Variants in MAML3 observed in about 807,000 individuals in gnomAD.
MAML3 encodes mastermind like transcriptional coactivator 3, also known as mastermind-like protein 3.
In MAML3, 27 loss-of-function variants were observed where a neutral mutation model predicts 101.9. The ratio of observed to expected loss-of-function variants is 0.27; its 90% CI spans 0.20 to 0.37. The LOEUF is 0.37. Among genes scored for constraint, MAML3 ranks in the 10% least tolerant of loss-of-function variants. MAML3 has a pLI of 1.00. For synonymous variants in MAML3, 501 were observed against 555.9 expected (o/e 0.90, Z 1.39); for missense variants, 1,316 against 1,444.9 (o/e 0.91, Z 1.45).
intron 1 of MAML3, among the ~76,000 whole-genome samples, chr4:140,072,230 T>G (rs539060052): frequency 1.3e-5 from 2 of 152,284 alleles, no homozygotes; most frequent in East Asian, 3.9e-4. Flanking sequence ...ATTCCAAATA[T>G]TTTCCAAATA....
chr4:139,916,578 GT>G (rs1412528460), intron 1 of MAML3, among the ~76,000 whole-genome samples: 33 of 152,322 alleles, frequency 2.2e-4, no homozygotes, highest in Admixed American at 5.9e-4. Flanking sequence ...CATGTATGCT[GT>G]GCTCCAGGTG....
intron 3 of MAML3, among the ~76,000 whole-genome samples, chr4:139,728,044 C>T (rs939599405): frequency 1.3e-5 from 2 of 152,110 alleles, no homozygotes; most frequent in South Asian, 4.1e-4. Context: ...GGTGAAACCC[C>T]ATCTCTACTA....
chr4:139,998,900 T>C (rs1217994381), intron 1 of MAML3, among the ~76,000 whole-genome samples: 1 of 152,210 alleles, frequency 6.6e-6, no homozygotes. Flanking sequence ...TCTGCATGGC[T>C]TAATGGCTGG....
chr4:139,730,267 T>C (rs1453022430), intron 3 of MAML3, 149 bp downstream of exon 3: 1 of 707,630 alleles, frequency 1.4e-6, no homozygotes, highest in African/African-American at 1.8e-5. Context: ...AAGGTCTAAA[T>C]TCTTCAGGTT....
chr4:139,741,621 C>T (rs559720598), intron 2 of MAML3, among the ~76,000 whole-genome samples: 2 of 152,126 alleles, frequency 1.3e-5, no homozygotes, highest in African/African-American at 4.8e-5. Flanking sequence ...GTGGTGTGCA[C>T]CTGTAGTCCC....
At chr4:140,066,505 C>T (rs1727538969) in intron 1 of MAML3, among the ~76,000 whole-genome samples, 1 of 152,168 alleles carries the variant, frequency 6.6e-6, no homozygotes, top group Non-Finnish European at 1.5e-5. Context: ...GTACAGACTT[C>T]TCAGGCCACA....
intron 2 of MAML3, among the ~76,000 whole-genome samples, chr4:139,792,979 C>T (rs1242829281): frequency 2.0e-5 from 3 of 152,078 alleles, no homozygotes; most frequent in Non-Finnish European, 2.9e-5. Context: ...ATCTCCTGAC[C>T]TTGTGATCCG....
chr4:139,724,416 T>G (rs1728384222), intron 4 of MAML3, among the ~76,000 whole-genome samples: 1 of 152,238 alleles, frequency 6.6e-6, no homozygotes, highest in African/African-American at 2.4e-5. Context: ...CTAAGTTGTT[T>G]CCAATAACCT....
chr4:140,132,356 A>G (rs1160845905), intron 1 of MAML3, among the ~76,000 whole-genome samples: 1 of 152,234 alleles, frequency 6.6e-6, no homozygotes, highest in East Asian at 1.9e-4. Flanking sequence ...ACTTTCCAAT[A>G]TAACTGGTCC....
intron 1 of MAML3, among the ~76,000 whole-genome samples, chr4:139,960,448 C>T (rs982812502): frequency 1.3e-5 from 2 of 152,178 alleles, no homozygotes; most frequent in African/African-American, 4.8e-5. Context: ...AGCTCCTCTG[C>T]TATACCAAGG....
In MAML3 at chr4:139,720,141, T is replaced by A. The variant is rs1015768025; in HGVS notation, c.2599A>T (p.Ser867Cys). The change falls in exon 5 of 5, where the codon AGC becomes TGC. Residue 867 changes from serine to cysteine, a missense_variant. Transcript: ENST00000509479. The stretch of plus-strand genomic sequence containing the variant: ...CTCATATTGTACATTCCTGGTTGGC[T>A]GGTAGGCGTGGTGCTATAAGGGGCC... ...GLAPYSTTPT[S>C]QPGMYNMSTG... is the part of the protein sequence containing the mutation. 46 of 1,614,082 alleles carry A rather than the reference T, an allele frequency of 2.8e-5. No homozygotes were observed. Among genetic ancestry groups the A allele is most frequent in the Non-Finnish European group, 3.8e-5 (45 of 1,179,906 alleles).
chr4:139,956,700 C>A (rs1357190805), intron 1 of MAML3, among the ~76,000 whole-genome samples: 1 of 152,150 alleles, frequency 6.6e-6, no homozygotes, highest in Non-Finnish European at 1.5e-5. Flanking sequence ...CAGGAGAGGT[C>A]GTACCAATCT....
intron 2 of MAML3, among the ~76,000 whole-genome samples, chr4:139,757,338 A>T (rs1335516444): frequency 6.6e-6 from 1 of 151,826 alleles, no homozygotes; most frequent in Non-Finnish European, 1.5e-5. Flanking sequence ...CCTCACACTC[A>T]CACTCCAGCA....
At chr4:140,131,539 T>C (rs1728794023) in intron 1 of MAML3, among the ~76,000 whole-genome samples, 1 of 152,246 alleles carries the variant, frequency 6.6e-6, no homozygotes, top group Non-Finnish European at 1.5e-5. Context: ...ATGGAATTTC[T>C]ACAAGCTATC....
intron 1 of MAML3, among the ~76,000 whole-genome samples, chr4:140,051,231 G>A (rs1434765605): frequency 6.6e-6 from 1 of 152,146 alleles, no homozygotes; most frequent in Admixed American, 6.6e-5. Flanking sequence ...TCTTAAAGGT[G>A]TCAAGAGCAG....
intron 1 of MAML3, among the ~76,000 whole-genome samples, chr4:140,010,966 A>T (rs1286340962): frequency 4.6e-5 from 7 of 151,488 alleles, no homozygotes. Flanking sequence ...CATGGTGGCA[A>T]GTGCCTGTAA....
At chr4:139,902,519 A>G (rs1262304317) in intron 1 of MAML3, among the ~76,000 whole-genome samples, 1 of 152,180 alleles carries the variant, frequency 6.6e-6, no homozygotes, top group Non-Finnish European at 1.5e-5. Context: ...TCCGGGATGA[A>G]TCCCCCATGG....
intron 3 of MAML3, 168 bp downstream of exon 3, chr4:139,730,244 CCTAA>C: frequency 1.6e-6 from 1 of 639,034 alleles, no homozygotes; most frequent in Non-Finnish European, 2.7e-6. Context: ...TAGGAAAAAC[CCTAA>C]CTAATTGAAA....
At chr4:139,858,337 C>A (rs1731704971) in intron 2 of MAML3, among the ~76,000 whole-genome samples, 1 of 152,138 alleles carries the variant, frequency 6.6e-6, no homozygotes, top group Non-Finnish European at 1.5e-5. Flanking sequence ...CATTATTCCT[C>A]TCAGCCCTAG....
Sources: gnomAD v4.1 joint callset for allele counts (sites outside exome capture counted in the v4.1 genomes callset) on GRCh38, gnomAD v4.1.1 for gene constraint, MANE v1.5 for transcripts, NCBI Gene and HGNC (gene_info 2026-07-23, HGNC 2026-07-21) for gene names.